The following RIMBP2 variants were observed in gnomAD, a reference collection of about 807,000 sequenced individuals.
The protein encoded by RIMBP2 is RIMS binding protein 2.
RIMBP2 carries 48 observed loss-of-function variants against 118.6 expected under a neutral mutation model. That is an observed-to-expected ratio of 0.40 (90% CI 0.32 to 0.51). The LOEUF (loss-of-function observed/expected upper bound fraction) is 0.51. RIMBP2 is among the 20% of genes least tolerant of loss of function. The pLI is 0.41. For missense variants in RIMBP2, 1,551 were observed against 1,768.3 expected, an observed-to-expected ratio of 0.88 and a Z score of 2.20; for synonymous variants, 762 against 742.9, an observed-to-expected ratio of 1.03 and a Z score of -0.42.
In RIMBP2 at chr12:130,526,613, CTTA is replaced by C. The variant is rs2052816591; in HGVS notation, c.-216-8699_-216-8697del. ...CTTTGATCTGCTCATTCATTTTGGC[CTTA>C]TGTTTTAGAAAAGCCATAAAAATTT... On this transcript the variant is annotated intron_variant, in intron 2 of 22. Coordinates refer to ENST00000690449, the MANE Select transcript of RIMBP2 (RefSeq NM_001393629.1). 2.0e-5 allele frequency among the ~76,000 whole-genome samples: 3 copies of C among 152,158 alleles called. No individual in the cohort carries two copies. In the Middle Eastern group the frequency reaches 0.01, roughly 521 times the overall value.
chr12:130,535,694 C>CAT lies in RIMBP2; in HGVS notation c.-216-17779_-216-17778dup, dbSNP rs1211320863. Among the ~76,000 whole-genome samples the CAT allele has an allele frequency of 2.1e-5, 3 of 139,752 alleles. 1 individual carries two copies. The highest frequency in any genetic ancestry group is 3.1e-5 in the Non-Finnish European group (2 of 65,358). 91.7% of individuals were successfully genotyped at this position (139,752 alleles called of 152,430 possible). On this transcript the variant is annotated intron_variant, in intron 2 of 22. Coordinates refer to ENST00000690449, the MANE Select transcript of RIMBP2 (RefSeq NM_001393629.1). ...ATATACACATATATATACACATATA[C>CAT]ATATATATACACATATACATATACA...
At chr12:130,494,816 G>A (rs1472862259) in intron 4 of RIMBP2, among the ~76,000 whole-genome samples, 1 of 152,176 alleles carries the variant, frequency 6.6e-6, no homozygotes, top group Non-Finnish European at 1.5e-5. Flanking sequence ...TGACCGCTGG[G>A]TCACAAAGTA....
chr12:130,616,894 G>A (rs2060975136), intron 2 of RIMBP2, among the ~76,000 whole-genome samples: 1 of 152,206 alleles, frequency 6.6e-6, no homozygotes, highest in African/African-American at 2.4e-5. Context: ...TCTGCCAGAG[G>A]CCTGAGCAGG....
At chr12:130,668,765 G>C (rs568097266) in intron 1 of RIMBP2, among the ~76,000 whole-genome samples, 2 of 151,958 alleles carry the variant, frequency 1.3e-5, no homozygotes, top group African/African-American at 4.8e-5. Context: ...TTCTCTCTCT[G>C]GGCACAGCAC....
Position 130,465,615 on chromosome 12 carries a change from G to A in RIMBP2, c.153+5078C>T, listed in dbSNP as rs115544814. Reference sequence around the variant, plus strand: ...CTCGGGTAAGTGGCTCATTGTCTCTGTGCCCCGATTGCCTAATCAGCAAAA... The same window carrying A: ...CTCGGGTAAGTGGCTCATTGTCTCTATGCCCCGATTGCCTAATCAGCAAAA... On this transcript the variant is annotated intron_variant, in intron 6 of 22. Coordinates refer to ENST00000690449, the MANE Select transcript of RIMBP2 (RefSeq NM_001393629.1). The A allele has an allele frequency of 1.4e-3, 220 of 152,360 alleles. 1 individual carries two copies. The highest frequency in any genetic ancestry group is 5.1e-3 in the African/African-American group (211 of 41,584). The allele number at this position is 152,360 out of a possible 1,614,324, so 9.4% of individuals were successfully genotyped here. A position where few individuals can be genotyped will look rare whatever the true frequency, so the allele number is the denominator to read the frequency against.
chr12:130,508,193 G>C (rs2138850194), intron 3 of RIMBP2, among the ~76,000 whole-genome samples: 1 of 152,182 alleles, frequency 6.6e-6, no homozygotes, highest in Admixed American at 6.5e-5. Flanking sequence ...CATCCTAGCT[G>C]TTCAAGAACA....
intron 2 of RIMBP2, among the ~76,000 whole-genome samples, chr12:130,591,883 T>G (rs2059291442): frequency 6.6e-6 from 1 of 152,162 alleles, no homozygotes. Flanking sequence ...GTTCTGAAAC[T>G]CAAAGTTAAC....
At chr12:130,618,438 C>T (rs1328812434) in intron 2 of RIMBP2, among the ~76,000 whole-genome samples, 2 of 152,148 alleles carry the variant, frequency 1.3e-5, no homozygotes, top group African/African-American at 4.8e-5. Flanking sequence ...CCTACTGGCC[C>T]CCTCCTCCTG....
At chr12:130,599,379 C>T (rs539300944) in intron 2 of RIMBP2, among the ~76,000 whole-genome samples, 2 of 152,040 alleles carry the variant, frequency 1.3e-5, no homozygotes, top group South Asian at 2.1e-4. Flanking sequence ...GACAAGAGAG[C>T]GTATGCAGAT....
chr12:130,567,600 G>A (rs372043214), intron 2 of RIMBP2, among the ~76,000 whole-genome samples: 85 of 152,256 alleles, frequency 5.6e-4, no homozygotes, highest in African/African-American at 1.8e-3. Flanking sequence ...ACTGGGCATC[G>A]GCACGTCCCT....
At chr12:130,577,064 A>C (rs1412497076) in intron 2 of RIMBP2, among the ~76,000 whole-genome samples, 4 of 151,780 alleles carry the variant, frequency 2.6e-5, no homozygotes, top group Non-Finnish European at 5.9e-5. Flanking sequence ...TGGTAGAATG[A>C]CTCACCCCTT....
intron 3 of RIMBP2, among the ~76,000 whole-genome samples, chr12:130,514,551 G>A (rs2051245122): frequency 6.6e-6 from 1 of 152,138 alleles, no homozygotes; most frequent in Non-Finnish European, 1.5e-5. Context: ...AGGTGCAGGA[G>A]CCCAGCTCAG....
At chr12:130,692,255 G>A (rs1025636307) in intron 1 of RIMBP2, among the ~76,000 whole-genome samples, 1 of 152,066 alleles carries the variant, frequency 6.6e-6, no homozygotes, top group African/African-American at 2.4e-5. Context: ...GCACGTGGGG[G>A]GCCCCCCAGG....
chr12:130,407,993 G>C (rs971346635), intron 19 of RIMBP2, among the ~76,000 whole-genome samples, 164 bp from the exon 20 acceptor site: 4 of 152,038 alleles, frequency 2.6e-5, no homozygotes, highest in African/African-American at 9.7e-5. Context: ...CTCTACTTTG[G>C]GTCAGTGGTC....
chr12:130,630,746 C>T (rs718533), intron 1 of RIMBP2, among the ~76,000 whole-genome samples: 89,531 of 152,014 alleles, frequency 0.59, 27,693 homozygotes, highest in Admixed American at 0.68. Context: ...GACTTCTCAG[C>T]AGCAATCTTA....
Position 130,438,370 on chromosome 12 carries a change from G to C in RIMBP2, c.1651C>G (p.Gln551Glu). ...CCCACCCAACGAAAACTCACCCTCT[G>C]CCCTTTGGCATACACGCCGTAGCCG... Reference protein sequence around the residue: ...VTGYGVYAKGQRVAEVIFPTA... With the variant: ...VTGYGVYAKGERVAEVIFPTA... Residue 551 changes from glutamine (Q) to glutamate (E), a missense_variant, in exon 12 of 23, where the codon CAG becomes GAG. By Grantham distance (29) the Gln-to-Glu change is conservative (BLOSUM62 2). This residue lies in a region of RIMBP2 where 1,038 missense variants were observed against 1,125.1 expected (regional missense o/e 0.92). Transcript: ENST00000690449. 1 of 1,454,458 alleles carries C rather than the reference G, an allele frequency of 6.9e-7. No homozygotes were observed. The highest frequency in any genetic ancestry group is 9.3e-7 in the Non-Finnish European group (1 of 1,074,082). 90.1% of individuals were successfully genotyped at this position (1,454,458 alleles called of 1,614,324 possible).
intron 1 of RIMBP2, among the ~76,000 whole-genome samples, chr12:130,652,204 C>A (rs1017085941): frequency 3.3e-5 from 5 of 152,172 alleles, no homozygotes; most frequent in Non-Finnish European, 1.5e-5. Flanking sequence ...AACTATGTAG[C>A]CTTTAGGCCA....
At chr12:130,472,655 T>C (rs2081107005) in intron 5 of RIMBP2, among the ~76,000 whole-genome samples, 1 of 152,214 alleles carries the variant, frequency 6.6e-6, no homozygotes. Flanking sequence ...GTGAACATTA[T>C]CTTAACAGTT....
At chr12:130,571,673 T>C (rs1014806413) in intron 2 of RIMBP2, among the ~76,000 whole-genome samples, 1 of 152,120 alleles carries the variant, frequency 6.6e-6, no homozygotes, top group African/African-American at 2.4e-5. Flanking sequence ...GCTCAGACAG[T>C]TGGCACCACC....
Sources: gnomAD v4.1 joint callset for allele counts (sites outside exome capture counted in the v4.1 genomes callset) on GRCh38, gnomAD v4.1.1 for gene constraint, gnomAD v4.1.1 regional missense constraint, MANE v1.5 for transcripts, NCBI Gene and HGNC (gene_info 2026-07-23, HGNC 2026-07-21) for gene names.